KIF6: variants seen among roughly 807,000 people sequenced by gnomAD.
KIF6 encodes kinesin-like protein KIF6.
Under a neutral mutation model 112.7 loss-of-function variants are expected in KIF6, and 106 were observed. The ratio of observed to expected loss-of-function variants is 0.94; its 90% CI spans 0.80 to 1.11. KIF6 has a LOEUF of 1.11. Ranked by LOEUF, KIF6 falls within the 50% of genes least tolerant of loss-of-function variation. KIF6 has a pLI of 0.00. For synonymous variants in KIF6, 339 were observed against 339.9 expected, an observed-to-expected ratio of 1.00 and a Z score of 0.03; for missense variants, 929 against 964.0, an observed-to-expected ratio of 0.96 and a Z score of 0.48.
rs546929576 is a variant in KIF6 at position 39,556,736 on chromosome 6, G to T, written c.1182-11048C>A. On this transcript the variant is annotated intron_variant, in intron 10 of 22. Transcript: ENST00000287152. Reference sequence around the variant, plus strand: ...AAAACTAGAGCACACCTTTGAGAAAGAAGTTTATTGGGAAATTTGGGAGAA... The same window carrying T: ...AAAACTAGAGCACACCTTTGAGAAATAAGTTTATTGGGAAATTTGGGAGAA... Among the ~76,000 whole-genome samples, 27 of 152,296 alleles carry T rather than the reference G, an allele frequency of 1.8e-4. No homozygotes were observed. The East Asian group carries it at 3.7e-3, about 21-fold the overall frequency.
In KIF6 at chr6:39,655,228, C is replaced by T. The variant is rs115569598; in HGVS notation, c.252-15471G>A. On this transcript the variant is annotated intron_variant, in intron 3 of 22. Coordinates refer to ENST00000287152, the MANE Select transcript of KIF6 (RefSeq NM_145027.6). ...ATTCATATTTTATATTCACGTTAAG[C>T]ATACTTTTATACGTTTTTTGACCAA... Among the ~76,000 whole-genome samples, 469 of 152,214 alleles carry T rather than the reference C, an allele frequency of 3.1e-3. 2 individuals carry two copies. Among genetic ancestry groups the T allele is most frequent in the Non-Finnish European group, 5.4e-3 (369 of 67,982 alleles).
chr6:39,352,578 G>A (rs915936521), intron 19 of KIF6, among the ~76,000 whole-genome samples: 2 of 150,038 alleles, frequency 1.3e-5, no homozygotes, highest in African/African-American at 4.9e-5. Flanking sequence ...TGCATTGCAG[G>A]TTCATCACTT....
chr6:39,487,433 A>C (rs1033085854), intron 13 of KIF6, among the ~76,000 whole-genome samples: 1 of 152,048 alleles, frequency 6.6e-6, no homozygotes, highest in Admixed American at 6.5e-5. Context: ...ACCTACCCTA[A>C]CATGGGCCAG....
intron 9 of KIF6, 72 bp downstream of exon 9, chr6:39,584,826 G>A (rs1561836796): frequency 3.4e-6 from 3 of 883,242 alleles, no homozygotes; most frequent in Admixed American, 3.5e-5. Flanking sequence ...CAGAGCAAGT[G>A]CACCTACAAG....
intron 13 of KIF6, among the ~76,000 whole-genome samples, chr6:39,488,603 T>C (rs115401679): frequency 1.3e-3 from 199 of 152,348 alleles, no homozygotes; most frequent in African/African-American, 3.7e-3. Flanking sequence ...CTACAGACTG[T>C]ATTTTATTTA....
intron 13 of KIF6, among the ~76,000 whole-genome samples, chr6:39,440,107 C>A (rs1044108921): frequency 6.6e-6 from 1 of 151,872 alleles, no homozygotes; most frequent in Non-Finnish European, 1.5e-5. Flanking sequence ...GAGAAGAAGA[C>A]CAGCAGGGGA....
At chr6:39,478,986 C>G (rs9369121) in intron 13 of KIF6, among the ~76,000 whole-genome samples, 46,171 of 151,654 alleles carry the variant, frequency 0.3, 8,840 homozygotes, top group African/African-American at 0.54. Context: ...GTTCCTTGTA[C>G]ATTCTGGATA....
chr6:39,639,656 C>T lies in KIF6; in HGVS notation c.353G>A (p.Gly118Asp), dbSNP rs750803166. Residue 118 changes from glycine (G) to aspartate (D), a missense_variant, in exon 4 of 23, where the codon GGC (glycine) becomes GAC (aspartate). Physicochemically the swap from Gly to Asp is moderately conservative, Grantham distance 94. Coordinates refer to ENST00000287152, the MANE Select transcript of KIF6 (RefSeq NM_145027.6). The stretch of plus-strand genomic sequence containing the variant: ...GTATGACAGTGTCCTTGGGATAATG[C>T]CTCTGTCACTGTAACGCTCTGCACC... ...TGGAERYSDR[G>D]IIPRTLSYIF... is the part of the protein sequence containing the mutation. The T allele has an allele frequency of 6.2e-7, 1 of 1,608,132 alleles. No individual in the cohort carries two copies. Among genetic ancestry groups the T allele is most frequent in the East Asian group, 2.2e-5 (1 of 44,662 alleles).
chr6:39,538,968 C>T, intron 13 of KIF6, among the ~76,000 whole-genome samples: 1 of 148,294 alleles, frequency 6.7e-6, no homozygotes, highest in Admixed American at 6.8e-5. Flanking sequence ...ATCGCAAGGA[C>T]AAAAAACCAA....
intron 10 of KIF6, among the ~76,000 whole-genome samples, chr6:39,546,495 C>A (rs988215300): frequency 2.6e-5 from 4 of 152,150 alleles, no homozygotes; most frequent in Non-Finnish European, 5.9e-5. Flanking sequence ...AAACAAAACA[C>A]CTCCCTTTGG....
chr6:39,650,467 T>C (rs1454192254), intron 3 of KIF6, among the ~76,000 whole-genome samples: 1 of 151,930 alleles, frequency 6.6e-6, no homozygotes, highest in Admixed American at 6.6e-5. Context: ...GGGCTGCATT[T>C]TTATCTTATT....
Position 39,430,389 on chromosome 6 carries a change from G to A in KIF6, c.1754+664C>T, listed in dbSNP as rs537071419. Among the ~76,000 whole-genome samples the A allele has an allele frequency of 1.2e-3, 190 of 152,254 alleles. 2 individuals carry two copies. The highest frequency in any genetic ancestry group is 2.4e-3 in the Non-Finnish European group (160 of 68,020). ...TGTGTGCTAGGATCCACAGTCTCAT[G>A]TGACATATGAGAGTTCACCCTTTCT... On this transcript the variant is annotated intron_variant, in intron 14 of 22. Coordinates refer to ENST00000287152, the MANE Select transcript of KIF6 (RefSeq NM_145027.6).
intron 6 of KIF6, among the ~76,000 whole-genome samples, chr6:39,599,776 C>T (rs529003525): frequency 1.4e-4 from 21 of 152,138 alleles, no homozygotes; most frequent in Non-Finnish European, 2.2e-4. Context: ...ATGGAGACTT[C>T]TCAACAGCTG....
At chr6:39,338,630 T>C (rs1763154944) in intron 22 of KIF6, among the ~76,000 whole-genome samples, 1 of 152,158 alleles carries the variant, frequency 6.6e-6, no homozygotes, top group African/African-American at 2.4e-5. Flanking sequence ...TCTCTAGACA[T>C]CCTGGTGCCC....
At chr6:39,385,016 G>A (rs146270505) in intron 16 of KIF6, among the ~76,000 whole-genome samples, 2 of 152,314 alleles carry the variant, frequency 1.3e-5, no homozygotes, top group East Asian at 3.9e-4. Context: ...TTCTTCATGC[G>A]TTAAAGCGGG....
chr6:39,423,014 A>G (rs1371295775), intron 14 of KIF6, among the ~76,000 whole-genome samples: 11 of 152,214 alleles, frequency 7.2e-5, no homozygotes. Flanking sequence ...AGCCAGGACC[A>G]CTGATGAGCG....
intron 13 of KIF6, among the ~76,000 whole-genome samples, chr6:39,437,015 ATTTG>A (rs1445140073): frequency 8.0e-5 from 11 of 137,838 alleles, no homozygotes; most frequent in African/African-American, 3.1e-4. Flanking sequence ...ATGTTTTTCC[ATTTG>A]TTTGTGTCAT....
chr6:39,487,989 G>A (rs1459733350), intron 13 of KIF6, among the ~76,000 whole-genome samples: 2 of 21,574 alleles, frequency 9.3e-5, no homozygotes, highest in African/African-American at 3.1e-4. Flanking sequence ...GCATTTATAG[G>A]CATCTATCTA....
At chr6:39,356,460 TC>T (rs1764697352) in intron 19 of KIF6, among the ~76,000 whole-genome samples, 1 of 152,082 alleles carries the variant, frequency 6.6e-6, no homozygotes. Context: ...GAGACAGGCT[TC>T]CCCATGTTGG....
Sources: gnomAD v4.1 joint callset for allele counts (sites outside exome capture counted in the v4.1 genomes callset) on GRCh38, gnomAD v4.1.1 for gene constraint, MANE v1.5 for transcripts, NCBI Gene and HGNC (gene_info 2026-07-23, HGNC 2026-07-21) for gene names.